Variants in TUSC3 observed in about 807,000 individuals in gnomAD.
The protein encoded by TUSC3 is tumor suppressor candidate 3.
A neutral mutation model predicts 44.8 loss-of-function variants in TUSC3; 45 were observed. That is an observed-to-expected ratio of 1.00 (90% CI 0.79 to 1.29). The LOEUF is 1.29. Ranked by LOEUF, TUSC3 falls within the 50% of genes most tolerant of loss-of-function variation. TUSC3 has a pLI of 0.00. For synonymous variants in TUSC3, 212 were observed against 152.9 expected, an observed-to-expected ratio of 1.39 and a Z score of -2.85; for missense variants, 519 against 437.9, an observed-to-expected ratio of 1.19 and a Z score of -1.65.
At chr8:15,645,447 T>C (rs1585187598) in intron 2 of TUSC3, among the ~76,000 whole-genome samples, 2 of 152,238 alleles carry the variant, frequency 1.3e-5, no homozygotes, top group East Asian at 3.9e-4. Context: ...ACATTCATAC[T>C]TTGTCGAACT....
At chr8:15,820,708 T>C in the TUSC3 span, among the ~76,000 whole-genome samples, 1 of 152,188 alleles carries the variant, frequency 6.6e-6, no homozygotes, top group African/African-American at 2.4e-5. Context: ...AATTGCACTC[T>C]TCCTATTTTC....
intron 7 of TUSC3, among the ~76,000 whole-genome samples, chr8:15,738,166 A>T (rs1025784758): frequency 6.6e-6 from 1 of 152,170 alleles, no homozygotes; most frequent in African/African-American, 2.4e-5. Context: ...TGAGAAAGAG[A>T]TCATACTTAC....
intron 1 of TUSC3, among the ~76,000 whole-genome samples, chr8:15,550,589 C>A (rs1030299215): frequency 2.0e-5 from 3 of 151,610 alleles, no homozygotes; most frequent in Non-Finnish European, 4.4e-5. Context: ...CATCCCCTGT[C>A]CTTTCGCCAC....
the TUSC3 span, among the ~76,000 whole-genome samples, chr8:15,814,857 T>C: frequency 3.9e-5 from 6 of 152,170 alleles, no homozygotes; most frequent in South Asian, 2.1e-4. Flanking sequence ...GATTCAAGTA[T>C]ATAAATGTTG....
At chr8:15,450,663 C>G (rs7006693) in intron 1 of TUSC3, among the ~76,000 whole-genome samples, 32,874 of 152,044 alleles carry the variant, frequency 0.22, 3,785 homozygotes, top group Middle Eastern at 0.3. Flanking sequence ...GAGTGAGACT[C>G]GGTCTCAAAA....
At chr8:15,586,485 T>C (rs1803607889) in intron 1 of TUSC3, among the ~76,000 whole-genome samples, 1 of 152,086 alleles carries the variant, frequency 6.6e-6, no homozygotes, top group African/African-American at 2.4e-5. Flanking sequence ...GGCTAAATGA[T>C]TGATCAAGGT....
At chr8:15,439,169 A>G (rs776717516) in intron 1 of TUSC3, among the ~76,000 whole-genome samples, 1 of 152,200 alleles carries the variant, frequency 6.6e-6, no homozygotes, top group Non-Finnish European at 1.5e-5. Flanking sequence ...GACCTATCAC[A>G]ATTGCTTTCA....
chr8:15,827,518 A>G, the TUSC3 span, among the ~76,000 whole-genome samples: 1 of 152,292 alleles, frequency 6.6e-6, no homozygotes, highest in African/African-American at 2.4e-5. Flanking sequence ...CCTTATGGTT[A>G]GCTTAATGGA....
intron 2 of TUSC3, among the ~76,000 whole-genome samples, chr8:15,630,441 T>G (rs1251771138): frequency 6.7e-6 from 1 of 149,718 alleles, no homozygotes; most frequent in Non-Finnish European, 1.5e-5. Context: ...TGTTAAGTCC[T>G]TTATATATAC....
chr8:15,749,495 A>G (rs1237275815), intron 9 of TUSC3, among the ~76,000 whole-genome samples: 4 of 151,988 alleles, frequency 2.6e-5, no homozygotes, highest in Non-Finnish European at 4.4e-5. Context: ...TCCCACACCC[A>G]TTAAAAATAA....
chr8:15,656,779 T>A (rs749473968), intron 3 of TUSC3, among the ~76,000 whole-genome samples: 1 of 152,312 alleles, frequency 6.6e-6, no homozygotes, highest in Non-Finnish European at 1.5e-5. Context: ...CTGCAACAAG[T>A]CTTTATCAGG....
chr8:15,767,672 T>A (rs1037019764), downstream of TUSC3, among the ~76,000 whole-genome samples: 1 of 152,144 alleles, frequency 6.6e-6, no homozygotes, highest in African/African-American at 2.4e-5. Context: ...GGGAGCAGAA[T>A]AGACCTCATT....
At chr8:15,660,265 C>A (rs1470521536) in intron 4 of TUSC3, among the ~76,000 whole-genome samples, 1 of 151,880 alleles carries the variant, frequency 6.6e-6, no homozygotes, top group Non-Finnish European at 1.5e-5. Context: ...AGTAAATATA[C>A]TATGGCATAG....
intron 1 of TUSC3, among the ~76,000 whole-genome samples, chr8:15,479,093 T>C (rs1328291063): frequency 1.3e-5 from 2 of 152,214 alleles, no homozygotes; most frequent in African/African-American, 4.8e-5. Context: ...CTGAGAAGTA[T>C]GTGTTCATGT....
chr8:15,581,398 A>C (rs1288104673), intron 1 of TUSC3, among the ~76,000 whole-genome samples: 1 of 147,626 alleles, frequency 6.8e-6, no homozygotes, highest in South Asian at 2.2e-4. Flanking sequence ...GGCGCTCTGC[A>C]TTTTAGAGTT....
chr8:15,419,913 C>A (rs993606125), intron 1 of TUSC3, among the ~76,000 whole-genome samples: 1 of 151,978 alleles, frequency 6.6e-6, no homozygotes, highest in African/African-American at 2.4e-5. Flanking sequence ...TTTTATAAAT[C>A]TTTATTCTTA....
intron 7 of TUSC3, among the ~76,000 whole-genome samples, chr8:15,737,536 G>T (rs570603393): frequency 3.9e-5 from 6 of 152,072 alleles, no homozygotes; most frequent in Admixed American, 1.3e-4. Flanking sequence ...GTGCACAGTA[G>T]TTTAAATATA....
chr8:15,521,610 T>C (rs185968728), intron 2 of TUSC3, among the ~76,000 whole-genome samples: 37 of 144,278 alleles, frequency 2.6e-4, no homozygotes, highest in African/African-American at 9.8e-4. Context: ...CGATAGGTAA[T>C]TACCCCCCCC....
At chr8:15,767,494 T>G (rs1290581710), downstream of TUSC3, among the ~76,000 whole-genome samples, 2 of 151,246 alleles carry the variant, frequency 1.3e-5, no homozygotes, top group Non-Finnish European at 2.9e-5. Context: ...AAAAAAAAGT[T>G]TACCAAACCA....
Sources: allele counts gnomAD v4.1 joint callset (sites outside exome capture counted in the v4.1 genomes callset), GRCh38; gene constraint gnomAD v4.1.1; transcripts MANE v1.5; gene names NCBI Gene and HGNC (gene_info 2026-07-23, HGNC 2026-07-21).